The following PGPEP1 variants were observed in gnomAD, a reference collection of about 807,000 sequenced individuals.
The protein encoded by PGPEP1 is pyroglutamyl-peptidase I, also known as pyroglutamyl-peptidase 1.
In PGPEP1, 15 loss-of-function variants were observed where a neutral mutation model predicts 24.1. That is an observed-to-expected ratio of 0.62 (90% CI 0.42 to 0.96). The LOEUF is 0.96. Ranked by LOEUF, PGPEP1 falls within the 40% of genes least tolerant of loss-of-function variation. The pLI, the probability that PGPEP1 is intolerant of heterozygous loss-of-function variation, is 0.00. For synonymous variants in PGPEP1, 122 were observed against 116.4 expected, an observed-to-expected ratio of 1.05 and a Z score of -0.31; for missense variants, 242 against 273.4, an observed-to-expected ratio of 0.89 and a Z score of 0.81.
At position 18,351,636 on chromosome 19, in the gene PGPEP1, A is replaced by G. The variant is rs533021784; in HGVS notation, c.88-4259A>G. On this transcript the variant is annotated intron_variant, in intron 2 of 4. Transcript: ENST00000269919. ...CAAAACTCCGTCTCAAAAAAAAAAAAAAAAAAGAAGATAAAATCGATGTAA... is the reference window on the plus strand; with the variant it reads ...CAAAACTCCGTCTCAAAAAAAAAAAGAAAAAAGAAGATAAAATCGATGTAA... 6.6e-5 allele frequency among the ~76,000 whole-genome samples: 10 copies of G among 152,026 alleles called. No homozygotes were observed. The South Asian group carries it at 1.7e-3, about 25-fold the overall frequency.
At chr19:18,343,019 A>T in intron 2 of PGPEP1, 108 bp downstream of exon 2, 1 of 706,150 alleles carries the variant, frequency 1.4e-6, no homozygotes, top group Non-Finnish European at 2.4e-6. Flanking sequence ...TTTTTTTTTG[A>T]GACGAAATCT....
At chr19:18,355,046 G>T (rs893689495) in intron 2 of PGPEP1, among the ~76,000 whole-genome samples, 6 of 125,062 alleles carry the variant, frequency 4.8e-5, no homozygotes, top group Non-Finnish European at 9.4e-5. Context: ...TTGGCTCATT[G>T]AAAGCTCTGC....
intron 4 of PGPEP1, among the ~76,000 whole-genome samples, chr19:18,358,280 G>A (rs1407857746): frequency 3.6e-5 from 3 of 83,092 alleles, no homozygotes; most frequent in East Asian, 7.5e-4. Context: ...TTTTTTTTGA[G>A]ACGGAGTTTT....
At chr19:18,355,727 G>T (rs1971163106) in intron 2 of PGPEP1, among the ~76,000 whole-genome samples, 168 bp from the exon 3 acceptor site, 1 of 152,160 alleles carries the variant, frequency 6.6e-6, no homozygotes, top group Non-Finnish European at 1.5e-5. Flanking sequence ...AGACTTTGAG[G>T]CAAGAGGGTG....
chr19:18,361,330 G>T (rs1971343830), intron 4 of PGPEP1, among the ~76,000 whole-genome samples: 1 of 151,876 alleles, frequency 6.6e-6, no homozygotes, highest in Admixed American at 6.6e-5. Flanking sequence ...TTGAGATGAG[G>T]TTTTCAGCAT....
chr19:18,367,155 CAAAAAAAAAAA>C lies in PGPEP1; in HGVS notation c.*3582_*3592del, dbSNP rs59537099. On this transcript the variant is annotated 3_prime_UTR_variant, in exon 5 of 5. Coordinates refer to ENST00000269919, the MANE Select transcript of PGPEP1 (RefSeq NM_017712.4). ...CGGGTGACACAGCAAGACTCTGTCTCAAAAAAAAAAAAAAAAAAAATCCTCATGCAAGAAGG... is the reference window on the plus strand; with the variant it reads ...CGGGTGACACAGCAAGACTCTGTCTCAAAAAAAAATCCTCATGCAAGAAGG... 1.0e-5 allele frequency: 1 copy of C among 95,260 alleles called. No homozygotes were observed. Among genetic ancestry groups the C allele is most frequent in the Non-Finnish European group, 2.0e-5 (1 of 50,832 alleles). The allele number at this position is 95,260 out of a possible 1,614,324, so 5.9% of individuals were successfully genotyped here. A position where few individuals can be genotyped will look rare whatever the true frequency, so the allele number is the denominator to read the frequency against.
chr19:18,341,043 C>A (rs1018793180), intron 1 of PGPEP1, among the ~76,000 whole-genome samples: 8 of 152,250 alleles, frequency 5.3e-5, no homozygotes, highest in Non-Finnish European at 1.0e-4. Flanking sequence ...GTCTGGCCTG[C>A]GGGCTGGACT....
rs1374148335 is a variant in PGPEP1, at chr19:18,367,115, C to G, written c.*3532C>G. On this transcript the variant is annotated 3_prime_UTR_variant, in exon 5 of 5. Coordinates refer to ENST00000269919, the MANE Select transcript of PGPEP1 (RefSeq NM_017712.4). Reference sequence around the variant, plus strand: ...AAGCCCCAGTGAGCCATGATCACACCACTGTAGTCCAGCCCGGGTGACACA... The same window carrying G: ...AAGCCCCAGTGAGCCATGATCACACGACTGTAGTCCAGCCCGGGTGACACA... 1 of 144,378 alleles carries G rather than the reference C, an allele frequency of 6.9e-6. No individual in the cohort carries two copies. Among genetic ancestry groups the G allele is most frequent in the Non-Finnish European group, 1.5e-5 (1 of 67,330 alleles). 8.9% of individuals were successfully genotyped at this position (144,378 alleles called of 1,614,324 possible). A position where few individuals can be genotyped will look rare whatever the true frequency, so the allele number is the denominator to read the frequency against.
At chr19:18,347,317 A>G (rs1452945429) in intron 2 of PGPEP1, among the ~76,000 whole-genome samples, 2 of 95,016 alleles carry the variant, frequency 2.1e-5, no homozygotes, top group Admixed American at 3.5e-4. Context: ...TATGTTGCCC[A>G]GACTGGTCTC....
chr19:18,352,261 C>T (rs1425611333), intron 2 of PGPEP1, among the ~76,000 whole-genome samples: 1 of 20,902 alleles, frequency 4.8e-5, no homozygotes, highest in Non-Finnish European at 1.3e-4. Flanking sequence ...AGCGAGACTC[C>T]GTCTCAAAAA....
At position 18,362,476 on chromosome 19, in the gene PGPEP1, AG is replaced by A. The variant is rs1386037847; in HGVS notation, c.438-914del. Among the ~76,000 whole-genome samples the A allele has an allele frequency of 6.6e-5, 10 of 152,260 alleles. No homozygotes were observed. The East Asian group carries it at 1.9e-3, about 29-fold the overall frequency. On this transcript the variant is annotated intron_variant, in intron 4 of 4. Coordinates refer to ENST00000269919, the MANE Select transcript of PGPEP1 (RefSeq NM_017712.4). Reference sequence around the variant, plus strand: ...CACGGTGGCTCACACCTGTAATCCCAGCACTTTGGGAGGCTGAGGTAGGCGG... The same window carrying A: ...CACGGTGGCTCACACCTGTAATCCCACACTTTGGGAGGCTGAGGTAGGCGG...
chr19:18,363,144 C>T (rs1164011656), intron 4 of PGPEP1, among the ~76,000 whole-genome samples: 5 of 151,662 alleles, frequency 3.3e-5, no homozygotes, highest in Non-Finnish European at 5.9e-5. Flanking sequence ...CAGCCTTGAC[C>T]TCCTGGGCTC....
Position 18,363,694 on chromosome 19 carries a change from C to A in PGPEP1, c.*111C>A. 1 of 710,990 alleles carries A rather than the reference C, an allele frequency of 1.4e-6. No individual in the cohort carries two copies. Among genetic ancestry groups the A allele is most frequent in the Non-Finnish European group, 2.3e-6 (1 of 430,710 alleles). The allele number at this position is 710,990 out of a possible 1,614,324, so 44.0% of individuals were successfully genotyped here. On this transcript the variant is annotated 3_prime_UTR_variant, in exon 5 of 5. Transcript: ENST00000269919. ...AAGCTCTTCAGCTTGGGGATCCGAT[C>A]TGGAAGAGAGATTCTGATCTGCCCA...
In PGPEP1 at chr19:18,351,360, C is replaced by T. The variant is rs187196392; in HGVS notation, c.88-4535C>T. 1.4e-4 allele frequency among the ~76,000 whole-genome samples: 21 copies of T among 152,138 alleles called. No individual in the cohort carries two copies. The East Asian group carries it at 3.9e-3, about 28-fold the overall frequency. ...TAAAATCAGGCCAGGCATGATGGCTCTTGCCTGTAATCCCAGCACTTTGGG... is the reference window on the plus strand; with the variant it reads ...TAAAATCAGGCCAGGCATGATGGCTTTTGCCTGTAATCCCAGCACTTTGGG... On this transcript the variant is annotated intron_variant, in intron 2 of 4. Coordinates refer to ENST00000269919, the MANE Select transcript of PGPEP1 (RefSeq NM_017712.4).
In PGPEP1 at chr19:18,342,846, CCTGTTTTTT is replaced by C; in HGVS notation, c.35-11_35-3del. 1 of 1,611,054 alleles carries C rather than the reference CCTGTTTTTT, an allele frequency of 6.2e-7. No homozygotes were observed. Among genetic ancestry groups the C allele is most frequent in the Non-Finnish European group, 8.5e-7 (1 of 1,177,236 alleles). ...CACTCTTGGGTAATATATTGCTTTT[CCTGTTTTTT>C]CAGGATTTGGCCCTTTTGGGGAACA... On this transcript the variant is annotated splice_polypyrimidine_tract_variant and splice_region_variant and intron_variant, in intron 1 of 4. Coordinates refer to ENST00000269919, the MANE Select transcript of PGPEP1 (RefSeq NM_017712.4).
rs937587350 is a variant in PGPEP1 at position 18,364,774 on chromosome 19, G to A, written c.*1191G>A. ...TTTCAACACCAAGCTATGAGCTGTC[G>A]CCATGGAGACCAGGGCCACCTGTGG... On this transcript the variant is annotated 3_prime_UTR_variant, in exon 5 of 5. Transcript: ENST00000269919. 2 of 152,140 alleles carry A rather than the reference G, an allele frequency of 1.3e-5. No homozygotes were observed. The highest frequency in any genetic ancestry group is 2.9e-5 in the Non-Finnish European group (2 of 68,054). 9.4% of individuals were successfully genotyped at this position (152,140 alleles called of 1,614,324 possible).
intron 2 of PGPEP1, among the ~76,000 whole-genome samples, chr19:18,348,665 G>A (rs1419992317): frequency 6.6e-6 from 1 of 152,082 alleles, no homozygotes; most frequent in Non-Finnish European, 1.5e-5. Context: ...TGTATGGCAG[G>A]TGGCTCCCTG....
At chr19:18,352,274 A>AAAAAAAAAAAAAAAAAAAAAAAAAG (rs1971053639) in intron 2 of PGPEP1, among the ~76,000 whole-genome samples, 1 of 148,914 alleles carries the variant, frequency 6.7e-6, no homozygotes, top group Non-Finnish European at 1.5e-5. Flanking sequence ...CTCAAAAAAA[A>AAAAAAAAAAAAAAAAAAAAAAAAAG]AAAAAAAAAA....
chr19:18,354,995 G>C (rs1438617687), intron 2 of PGPEP1, among the ~76,000 whole-genome samples: 1 of 135,092 alleles, frequency 7.4e-6, no homozygotes, highest in African/African-American at 2.8e-5. Flanking sequence ...TTGAGACGGA[G>C]TGTTGCTCTG....
Sources: gnomAD v4.1 joint callset for allele counts (sites outside exome capture counted in the v4.1 genomes callset) on GRCh38, gnomAD v4.1.1 for gene constraint, MANE v1.5 for transcripts, NCBI Gene and HGNC (gene_info 2026-07-23, HGNC 2026-07-21) for gene names.